Variants in PLCB1 observed in about 807,000 individuals in gnomAD.
PLCB1 encodes 1-phosphatidylinositol 4,5-bisphosphate phosphodiesterase beta-1.
PLCB1 carries 46 observed loss-of-function variants against 161.8 expected under a neutral mutation model. The observed-to-expected ratio is 0.28, with a 90% CI of 0.22 to 0.36. The LOEUF is 0.36. PLCB1 is among the 10% of genes least tolerant of loss of function. The pLI, the probability that PLCB1 is intolerant of heterozygous loss-of-function variation, is 1.00. For synonymous variants in PLCB1, 517 were observed against 503.7 expected (o/e 1.03, Z -0.35); for missense variants, 1,016 against 1,472.5 (o/e 0.69, Z 5.07).
intron 3 of PLCB1, among the ~76,000 whole-genome samples, chr20:8,421,399 G>A (rs575348673): frequency 1.3e-5 from 2 of 152,216 alleles, no homozygotes; most frequent in African/African-American, 4.8e-5. Flanking sequence ...CCCTGAGGGT[G>A]CACCCTTGGA....
chr20:8,356,421 A>C (rs2122280462), intron 2 of PLCB1, among the ~76,000 whole-genome samples: 1 of 152,308 alleles, frequency 6.6e-6, no homozygotes, highest in East Asian at 1.9e-4. Context: ...GCGAGTAACC[A>C]GATGATGTGA....
At chr20:8,646,995 C>T (rs6055971) in intron 5 of PLCB1, among the ~76,000 whole-genome samples, 38,508 of 152,078 alleles carry the variant, frequency 0.25, 5,211 homozygotes, top group Admixed American at 0.33. Flanking sequence ...AGACCTAATA[C>T]CTCAGCCACA....
chr20:8,654,766 C>A (rs1345595794), intron 7 of PLCB1, among the ~76,000 whole-genome samples: 1 of 151,984 alleles, frequency 6.6e-6, no homozygotes, highest in Non-Finnish European at 1.5e-5. Flanking sequence ...GTGCCATTCA[C>A]TTCACCAAGC....
chr20:8,339,565 G>A (rs2122218327), intron 2 of PLCB1, among the ~76,000 whole-genome samples: 1 of 152,288 alleles, frequency 6.6e-6, no homozygotes, highest in East Asian at 1.9e-4. Flanking sequence ...TCCGGGACTG[G>A]CTTTCAGCCC....
intron 3 of PLCB1, among the ~76,000 whole-genome samples, chr20:8,458,395 C>T (rs1466366276): frequency 6.6e-6 from 1 of 152,162 alleles, no homozygotes; most frequent in Non-Finnish European, 1.5e-5. Context: ...TGATCATTCC[C>T]TCCTCATCCA....
rs182777148 is a variant in PLCB1, at chr20:8,237,823, A to G, written c.177+87452A>G. Among the ~76,000 whole-genome samples, 603 of 152,158 alleles carry G rather than the reference A, an allele frequency of 4.0e-3. 7 individuals are homozygous for G. Among genetic ancestry groups the G allele is most frequent in the African/African-American group, 0.013 (553 of 41,546 alleles). ...ATGGGATCCCAGTTTTAACAGTCAT[A>G]CCTCTGCAAAAATTGTCTTTTTCTT... On this transcript the variant is annotated intron_variant, in intron 2 of 31. Transcript: ENST00000338037.
chr20:8,783,648 G>T (rs1983345010), intron 27 of PLCB1, among the ~76,000 whole-genome samples: 1 of 152,194 alleles, frequency 6.6e-6, no homozygotes, highest in South Asian at 2.1e-4. Context: ...AGTACAAAGG[G>T]TATATCACAT....
At chr20:8,205,024 A>T (rs188776368) in intron 2 of PLCB1, among the ~76,000 whole-genome samples, 210 of 152,260 alleles carry the variant, frequency 1.4e-3, no homozygotes, top group Non-Finnish European at 2.1e-3. Flanking sequence ...ATATGTTTTG[A>T]ATTTAAACTG....
chr20:8,185,854 G>A (rs78665898), intron 2 of PLCB1, among the ~76,000 whole-genome samples: 6,843 of 152,134 alleles, frequency 0.045, 197 homozygotes, highest in Middle Eastern at 0.13. Flanking sequence ...AGATTTTGCC[G>A]TCTAGTTAAT....
intron 26 of PLCB1, among the ~76,000 whole-genome samples, chr20:8,770,678 G>A (rs1225093424): frequency 2.0e-5 from 3 of 152,174 alleles, no homozygotes; most frequent in Non-Finnish European, 2.9e-5. Flanking sequence ...ATGGGAAGCC[G>A]GGAGGGGGTT....
chr20:8,368,535 AAAAAAAAAAAAAAAAG>A (rs1390289511), intron 2 of PLCB1, among the ~76,000 whole-genome samples: 1 of 150,704 alleles, frequency 6.6e-6, no homozygotes, highest in Non-Finnish European at 1.5e-5. Context: ...TCTCAAAAAA[AAAAAAAAAAAAAAAAG>A]AAAAAGAAAA....
intron 1 of PLCB1, among the ~76,000 whole-genome samples, chr20:8,135,954 G>A (rs2051342067): frequency 6.6e-6 from 1 of 152,098 alleles, no homozygotes; most frequent in Non-Finnish European, 1.5e-5. Flanking sequence ...TCTCTCTTCT[G>A]GATCTTGGCC....
intron 3 of PLCB1, among the ~76,000 whole-genome samples, chr20:8,375,885 G>A (rs1302888034): frequency 7.7e-6 from 1 of 130,568 alleles, no homozygotes; most frequent in Non-Finnish European, 1.6e-5. Flanking sequence ...AACTGATGTT[G>A]AATAAGTTTA....
intron 2 of PLCB1, among the ~76,000 whole-genome samples, chr20:8,191,483 A>G (rs898535457): frequency 5.3e-5 from 8 of 152,000 alleles, no homozygotes; most frequent in Admixed American, 2.0e-4. Context: ...ACCTTAAATA[A>G]TTCAGTGCAT....
chr20:8,295,335 A>G lies in PLCB1; in HGVS notation c.178-76047A>G, dbSNP rs115984042. Among the ~76,000 whole-genome samples, 889 of 152,308 alleles carry G rather than the reference A, an allele frequency of 5.8e-3. 12 individuals are homozygous for G. The highest frequency in any genetic ancestry group is 0.019 in the African/African-American group (798 of 41,576). On this transcript the variant is annotated intron_variant, in intron 2 of 31. Transcript: ENST00000338037. ...CTGAGTATTTTTATATTTATAACAA[A>G]ATAATATTAAAATATGATAGGAGGA...
intron 19 of PLCB1, among the ~76,000 whole-genome samples, chr20:8,734,940 C>A (rs145539297): frequency 6.6e-6 from 1 of 152,154 alleles, no homozygotes; most frequent in Non-Finnish European, 1.5e-5. Context: ...TTAAAACTTT[C>A]GTCACTTTAT....
At chr20:8,560,193 C>T (rs1430044171) in intron 3 of PLCB1, among the ~76,000 whole-genome samples, 1 of 152,004 alleles carries the variant, frequency 6.6e-6, no homozygotes, top group Non-Finnish European at 1.5e-5. Flanking sequence ...TAACAAACTT[C>T]CAGGAGATGC....
At chr20:8,461,692 T>C (rs565883072) in intron 3 of PLCB1, among the ~76,000 whole-genome samples, 2 of 152,282 alleles carry the variant, frequency 1.3e-5, no homozygotes, top group African/African-American at 4.8e-5. Context: ...CTACATGCAG[T>C]TTTGTATCAT....
intron 3 of PLCB1, among the ~76,000 whole-genome samples, chr20:8,593,610 A>T (rs565487586): frequency 3.4e-4 from 52 of 152,156 alleles, no homozygotes; most frequent in Non-Finnish European, 4.4e-4. Context: ...GAAAATAAAC[A>T]TTACTGTTAT....
Sources: gnomAD v4.1 joint callset for allele counts (sites outside exome capture counted in the v4.1 genomes callset) on GRCh38, gnomAD v4.1.1 for gene constraint, MANE v1.5 for transcripts, NCBI Gene and HGNC (gene_info 2026-07-23, HGNC 2026-07-21) for gene names.